Variants in GLI3 observed in about 807,000 individuals in gnomAD.
GLI3 encodes GLI family zinc finger 3.
GLI3 carries 20 observed loss-of-function variants against 100.8 expected under a neutral mutation model. The ratio of observed to expected loss-of-function variants is 0.20; its 90% CI spans 0.14 to 0.29. The LOEUF (loss-of-function observed/expected upper bound fraction) is 0.29, where lower values mean the gene tolerates loss of function less well. Ranked by LOEUF, GLI3 falls within the 10% of genes least tolerant of loss-of-function variation. The pLI, the probability that GLI3 is intolerant of heterozygous loss-of-function variation, is 1.00. For synonymous variants in GLI3, 938 were observed against 860.5 expected, an observed-to-expected ratio of 1.09 and a Z score of -1.58; for missense variants, 2,040 against 2,128.5, an observed-to-expected ratio of 0.96 and a Z score of 0.82.
At chr7:42,174,692 G>A (rs902693820) in intron 2 of GLI3, among the ~76,000 whole-genome samples, 12 of 152,192 alleles carry the variant, frequency 7.9e-5, no homozygotes, top group South Asian at 2.1e-4. Context: ...TTCATCTGTC[G>A]GATCACAGTT....
At chr7:42,161,366 T>C (rs1315882058) in intron 2 of GLI3, among the ~76,000 whole-genome samples, 1 of 152,148 alleles carries the variant, frequency 6.6e-6, no homozygotes, top group East Asian at 1.9e-4. Flanking sequence ...AACAGCAGAG[T>C]TGAGTAGTGA....
intron 1 of GLI3, among the ~76,000 whole-genome samples, chr7:42,230,104 G>A (rs879493483): frequency 1.7e-5 from 2 of 119,636 alleles, no homozygotes; most frequent in East Asian, 5.5e-4. Context: ...TGGGCGGGGG[G>A]GGGGGGGGTG....
chr7:42,110,472 T>C (rs1785680252), intron 3 of GLI3, among the ~76,000 whole-genome samples: 1 of 152,206 alleles, frequency 6.6e-6, no homozygotes, highest in Non-Finnish European at 1.5e-5. Flanking sequence ...TGGACATTCG[T>C]TATTTCCACA....
At chr7:42,104,373 C>A (rs1269677531) in intron 3 of GLI3, among the ~76,000 whole-genome samples, 1 of 152,200 alleles carries the variant, frequency 6.6e-6, no homozygotes, top group African/African-American at 2.4e-5. Flanking sequence ...CACACATCCG[C>A]TCTAGCATTT....
At chr7:42,092,386 C>T (rs535938520) in intron 3 of GLI3, among the ~76,000 whole-genome samples, 3 of 152,250 alleles carry the variant, frequency 2.0e-5, no homozygotes, top group African/African-American at 4.8e-5. Context: ...CAAGAGGACA[C>T]AGGGATGGAA....
At chr7:42,182,692 G>GTATATATATATATATATA (rs200753197) in intron 2 of GLI3, among the ~76,000 whole-genome samples, 1 of 93,246 alleles carries the variant, frequency 1.1e-5, no homozygotes, top group African/African-American at 5.3e-5. Flanking sequence ...ACACATGTGT[G>GTATATATATATATATATA]TATATATATA....
chr7:42,099,954 A>C (rs1328339279), intron 3 of GLI3, among the ~76,000 whole-genome samples: 1 of 152,290 alleles, frequency 6.6e-6, no homozygotes, highest in Non-Finnish European at 1.5e-5. Context: ...CGTTAGTGCC[A>C]ATCCACTCTC....
At chr7:42,155,764 G>A (rs1436265359) in intron 2 of GLI3, among the ~76,000 whole-genome samples, 2 of 152,140 alleles carry the variant, frequency 1.3e-5, no homozygotes, top group Non-Finnish European at 2.9e-5. Flanking sequence ...AACCTGAAAT[G>A]GCTGTTCCCC....
At chr7:42,063,489 A>G (rs1422055129) in intron 4 of GLI3, among the ~76,000 whole-genome samples, 1 of 152,174 alleles carries the variant, frequency 6.6e-6, no homozygotes, top group African/African-American at 2.4e-5. Context: ...ATTCCAGCAC[A>G]TGTACAAAAA....
intron 3 of GLI3, among the ~76,000 whole-genome samples, chr7:42,095,224 G>A (rs529184775): frequency 7.9e-5 from 12 of 152,288 alleles, no homozygotes; most frequent in African/African-American, 2.9e-4. Context: ...TTCTGACTCA[G>A]TAGGCCTGGG....
At chr7:41,986,090 G>T (rs532627114) in intron 10 of GLI3, among the ~76,000 whole-genome samples, 53 of 152,098 alleles carry the variant, frequency 3.5e-4, no homozygotes, top group African/African-American at 1.2e-3. Flanking sequence ...AATACCCAGA[G>T]GACTCAAGAC....
chr7:42,155,373 A>C lies in GLI3; in HGVS notation c.125-6905T>G, dbSNP rs1208216911. 3.3e-5 allele frequency among the ~76,000 whole-genome samples: 5 copies of C among 151,772 alleles called. No individual in the cohort carries two copies. The East Asian group carries it at 9.7e-4, about 30-fold the overall frequency. On this transcript the variant is annotated intron_variant, in intron 2 of 14. Transcript: ENST00000395925. Reference sequence around the variant, plus strand: ...AGAATCGCTTGAACCCAGGAGGCGGAGGTTGCAGTGAGCCAAGATCACGCC... The same window carrying C: ...AGAATCGCTTGAACCCAGGAGGCGGCGGTTGCAGTGAGCCAAGATCACGCC...
chr7:42,098,464 C>T (rs1462706884), intron 3 of GLI3, among the ~76,000 whole-genome samples: 1 of 152,128 alleles, frequency 6.6e-6, no homozygotes, highest in Non-Finnish European at 1.5e-5. Flanking sequence ...TCATGGGGCT[C>T]CTATTCGATG....
intron 4 of GLI3, among the ~76,000 whole-genome samples, chr7:42,064,314 C>A (rs939537494): frequency 6.6e-6 from 1 of 152,154 alleles, no homozygotes; most frequent in African/African-American, 2.4e-5. Flanking sequence ...TTTCCATAAT[C>A]ATGAAATGTT....
At chr7:42,025,482 T>A (rs1345354447) in intron 8 of GLI3, 105 bp from the exon 9 acceptor site, 10 of 790,766 alleles carry the variant, frequency 1.3e-5, no homozygotes, top group South Asian at 7.0e-5. Flanking sequence ...CTTATTTGGC[T>A]ATAAAGCAAT....
chr7:42,057,077 C>A (rs867090564), intron 4 of GLI3, among the ~76,000 whole-genome samples: 2 of 151,844 alleles, frequency 1.3e-5, no homozygotes, highest in African/African-American at 4.8e-5. Flanking sequence ...AAAGAAATAG[C>A]CATTCACTCT....
chr7:42,041,369 T>C lies in GLI3; in HGVS notation c.827-1130A>G, dbSNP rs1373365009. Among the ~76,000 whole-genome samples the C allele has an allele frequency of 2.6e-5, 4 of 152,334 alleles. No homozygotes were observed. In the East Asian group the frequency reaches 7.7e-4, roughly 29 times the overall value. On this transcript the variant is annotated intron_variant, in intron 6 of 14. Transcript: ENST00000395925. ...CCAATTTGCATTCAAATTTGGTAGA[T>C]ATTAGAGATGTGAGCTTCAAGACAC...
At chr7:42,194,759 CTTTTTT>C (rs61524545) in intron 2 of GLI3, among the ~76,000 whole-genome samples, 3 of 108,984 alleles carry the variant, frequency 2.8e-5, no homozygotes, top group African/African-American at 1.2e-4. Flanking sequence ...CTCTCTGTCT[CTTTTTT>C]TTTTTTTTTT....
chr7:42,235,224 A>G (rs1481750894), intron 1 of GLI3, among the ~76,000 whole-genome samples: 1 of 152,248 alleles, frequency 6.6e-6, no homozygotes, highest in Non-Finnish European at 1.5e-5. Context: ...TGAAATAATT[A>G]CAGGAATCAA....
Sources: gnomAD v4.1 joint callset for allele counts (sites outside exome capture counted in the v4.1 genomes callset) on GRCh38, gnomAD v4.1.1 for gene constraint, MANE v1.5 for transcripts, NCBI Gene and HGNC (gene_info 2026-07-23, HGNC 2026-07-21) for gene names.